SYAP1: variants seen among roughly 807,000 people sequenced by gnomAD.
SYAP1 encodes the protein synapse associated protein 1.
SYAP1 carries 3 observed loss-of-function variants against 29.6 expected under a neutral mutation model. That is an observed-to-expected ratio of 0.10 (90% confidence interval 0.05 to 0.26). The LOEUF (loss-of-function observed/expected upper bound fraction) is 0.26, where lower values mean the gene tolerates loss of function less well. Among genes scored for constraint, SYAP1 ranks in the 10% least tolerant of loss-of-function variants. The probability of loss-of-function intolerance (pLI) is 1.00; values close to 1 mark genes in which losing one functional copy is unlikely to be tolerated. For synonymous variants in SYAP1, 102 were observed against 102.7 expected (o/e 0.99, Z 0.04); for missense variants, 217 against 264.1 (o/e 0.82, Z 1.24).
At position 16,727,398 on chromosome X, in the gene SYAP1, C is replaced by CA. The variant is rs774589793; in HGVS notation, c.175+7501dup. ...TGCTCTTGTTGCCCAGGCTGGAGTG[C>CA]AATGGCATGATCTCGGCTCACTGCA... On this transcript the variant is annotated intron_variant, in intron 1 of 8. Coordinates refer to ENST00000380155, the MANE Select transcript of SYAP1 (RefSeq NM_032796.4). Among the ~76,000 whole-genome samples the CA allele has an allele frequency of 1.6e-4, 16 of 99,007 alleles. No individual in the cohort carries two copies. The Admixed American group carries it at 1.7e-3, about 11-fold the overall frequency. 86.0% of individuals were successfully genotyped at this position (99,007 alleles called of 115,157 possible).
At chrX:16,745,438 A>G (rs779725319) in intron 5 of SYAP1, among the ~76,000 whole-genome samples, 44 of 112,026 alleles carry the variant, frequency 3.9e-4, no homozygotes, top group African/African-American at 1.4e-3. Flanking sequence ...TGGTCAACGA[A>G]GTAGACTACT....
At position 16,727,085 on chromosome X, in the gene SYAP1, G is replaced by C. The variant is rs146357702; in HGVS notation, c.175+7186G>C. ...TAAAAACTGAAAAACATCAGGCATA[G>C]AATTTAACAACAGGTATACTATAGT... is the stretch of plus-strand genomic sequence containing the variant. On this transcript the variant is annotated intron_variant, in intron 1 of 8. Coordinates refer to ENST00000380155, the MANE Select transcript of SYAP1 (RefSeq NM_032796.4). Among the ~76,000 whole-genome samples, 719 of 110,809 alleles carry C rather than the reference G, an allele frequency of 6.5e-3. 6 individuals carry two copies. The highest frequency in any genetic ancestry group is 0.022 in the African/African-American group (678 of 30,605).
chrX:16,719,848 C>G lies in SYAP1; in HGVS notation c.124C>G (p.Leu42Val), dbSNP rs763597796. The G allele has an allele frequency of 5.4e-5, 64 of 1,194,268 alleles. No homozygotes were observed. Among genetic ancestry groups the G allele is most frequent in the Non-Finnish European group, 7.2e-5 (64 of 887,635 alleles). Residue 42 changes from leucine to valine, a missense_variant, in exon 1 of 9, where the codon CTG becomes GTG. Transcript: ENST00000380155. ...ETVAESAEEELQQAGDQELLH... is the reference protein window; with the variant it reads ...ETVAESAEEEVQQAGDQELLH... ...GGTGGCTGAGTCTGCGGAGGAGGAG[C>G]TGCAGCAAGCGGGAGACCAGGAGCT...
chrX:16,719,859 G>A lies in SYAP1; in HGVS notation c.135G>A (p.Ala45=), dbSNP rs1305330478. The A allele has an allele frequency of 8.4e-7, 1 of 1,195,028 alleles. No homozygotes were observed. Among genetic ancestry groups the A allele is most frequent in the Non-Finnish European group, 1.1e-6 (1 of 887,427 alleles). ...CTGCGGAGGAGGAGCTGCAGCAAGC[G>A]GGAGACCAGGAGCTCCTCCACCAGG... ...AESAEEELQQ[A]GDQELLHQAK... The change falls in exon 1 of 9, where the codon GCG becomes GCA. Residue 45 remains alanine, a synonymous_variant. Coordinates refer to ENST00000380155, the MANE Select transcript of SYAP1 (RefSeq NM_032796.4).
chrX:16,723,962 T>C (rs1273601743), intron 1 of SYAP1, among the ~76,000 whole-genome samples: 1 of 112,096 alleles, frequency 8.9e-6, no homozygotes, highest in Non-Finnish European at 1.9e-5. Context: ...TATTGTTATA[T>C]CATTTGCAAA....
chrX:16,744,422 G>A (rs949559276), intron 5 of SYAP1, among the ~76,000 whole-genome samples: 35 of 112,741 alleles, frequency 3.1e-4, no homozygotes, highest in African/African-American at 1.1e-3. Flanking sequence ...TGAAGCTGTC[G>A]CATGTTTGGA....
rs1925905417 is a variant in SYAP1 at position 16,719,664 on chromosome X, G to A, written c.-61G>A. On this transcript the variant is annotated 5_prime_UTR_variant, in exon 1 of 9. Transcript: ENST00000380155. ...GGGAGTCGCGCAGAGTGGAGTCAAAGGCAACCAGTGCTCGCTGCGGTCTCT... is the reference window on the plus strand; with the variant it reads ...GGGAGTCGCGCAGAGTGGAGTCAAAAGCAACCAGTGCTCGCTGCGGTCTCT... 2.4e-5 allele frequency: 28 copies of A among 1,154,909 alleles called. No homozygotes were observed. The highest frequency in any genetic ancestry group is 3.2e-5 in the Non-Finnish European group (28 of 866,100).
Position 16,736,152 on chromosome X carries a change from A to T in SYAP1, c.295-14A>T. The T allele has an allele frequency of 9.2e-7, 1 of 1,082,331 alleles. No homozygotes were observed. 89.2% of individuals were successfully genotyped at this position (1,082,331 alleles called of 1,213,427 possible). ...ACATTGCTATTTAATTTGACTATGT[A>T]TTTTTTTTAACAGACAATTATAGGA... On this transcript the variant is annotated splice_polypyrimidine_tract_variant and intron_variant, in intron 2 of 8. Coordinates refer to ENST00000380155, the MANE Select transcript of SYAP1 (RefSeq NM_032796.4).
At chrX:16,749,584 T>C (rs1211619320) in intron 5 of SYAP1, among the ~76,000 whole-genome samples, 1 of 111,397 alleles carries the variant, frequency 9.0e-6, no homozygotes, top group African/African-American at 3.3e-5. Context: ...CTAGAATACC[T>C]AAGTCTCATT....
In SYAP1 at chrX:16,763,870, C is replaced by CTTTTT. The variant is rs11331396; in HGVS notation, c.*3528_*3532dup. 3 of 63,584 alleles carry CTTTTT rather than the reference C, an allele frequency of 4.7e-5. No homozygotes were observed. The highest frequency in any genetic ancestry group is 8.0e-5 in the Non-Finnish European group (3 of 37,271). 5.2% of individuals were successfully genotyped at this position (63,584 alleles called of 1,213,427 possible). Reference sequence around the variant, plus strand: ...AGTATTTTATTTGCCTCTTTGACGGCTTTTTTTTTTTTTTTTTTTTTGAGA... The same window carrying CTTTTT: ...AGTATTTTATTTGCCTCTTTGACGGCTTTTTTTTTTTTTTTTTTTTTTTTTTGAGA... On this transcript the variant is annotated 3_prime_UTR_variant, in exon 9 of 9. Coordinates refer to ENST00000380155, the MANE Select transcript of SYAP1 (RefSeq NM_032796.4).
chrX:16,725,657 A>G (rs560024531), intron 1 of SYAP1, among the ~76,000 whole-genome samples: 4 of 111,594 alleles, frequency 3.6e-5, no homozygotes, highest in African/African-American at 1.3e-4. Context: ...TTCTCCCTCC[A>G]TGCTGCCACA....
At chrX:16,734,686 A>G (rs1346807333) in intron 1 of SYAP1, among the ~76,000 whole-genome samples, 1 of 110,235 alleles carries the variant, frequency 9.1e-6, no homozygotes, top group East Asian at 2.9e-4. Context: ...GGAAGAGTAT[A>G]CTAAGGGTCT....
At position 16,743,810 on chromosome X, in the gene SYAP1, G is replaced by T. The variant is rs772480918; in HGVS notation, c.545G>T (p.Ser182Ile). The T allele has an allele frequency of 8.3e-7, 1 of 1,208,626 alleles. No homozygotes were observed. The highest frequency in any genetic ancestry group is 1.1e-6 in the Non-Finnish European group (1 of 894,824). The change falls in exon 5 of 9, where the codon AGC becomes ATC. Residue 182 changes from serine (S) to isoleucine (I), a missense_variant. Physicochemically the swap from Ser to Ile is moderately radical, Grantham distance 142. Coordinates refer to ENST00000380155, the MANE Select transcript of SYAP1 (RefSeq NM_032796.4). ...LVMLQEDELL[S>I]KMRFALVPKL... ...ATGCTCCAGGAGGATGAGCTGCTAA[G>T]CAAGATGAGATTTGCCCTCGTTCCT...
At chrX:16,720,189 C>T (rs1397022153) in intron 1 of SYAP1, among the ~76,000 whole-genome samples, 1 of 112,289 alleles carries the variant, frequency 8.9e-6, no homozygotes, top group African/African-American at 3.2e-5. Flanking sequence ...TGTGACCCGA[C>T]GTCTTCAGGT....
chrX:16,755,508 C>G (rs144643510), intron 6 of SYAP1, among the ~76,000 whole-genome samples: 1 of 109,488 alleles, frequency 9.1e-6, no homozygotes, highest in Non-Finnish European at 1.9e-5. Context: ...TCTTCCCCCC[C>G]TCTCATTTTT....
At chrX:16,757,908 A>AAATAATAATAATAATAATAATAATAAT (rs749499003) in intron 8 of SYAP1, among the ~76,000 whole-genome samples, 14 of 108,424 alleles carry the variant, frequency 1.3e-4, no homozygotes, top group African/African-American at 4.4e-4. Context: ...CTTCATCTCA[A>AAATAATAATAATAATAATAATAATAAT]AATAATAATA....
chrX:16,731,173 T>G (rs1210576460), intron 1 of SYAP1, among the ~76,000 whole-genome samples: 1 of 112,186 alleles, frequency 8.9e-6, no homozygotes, highest in East Asian at 2.7e-4. Flanking sequence ...GGACACAATG[T>G]TTAGAAAGAA....
chrX:16,725,319 A>G (rs1347527128), intron 1 of SYAP1, among the ~76,000 whole-genome samples: 1 of 110,661 alleles, frequency 9.0e-6, no homozygotes, highest in Non-Finnish European at 1.9e-5. Flanking sequence ...GTTAACTCCT[A>G]TCTTAGTTTC....
intron 5 of SYAP1, among the ~76,000 whole-genome samples, chrX:16,750,619 A>G (rs1456681872): frequency 2.7e-5 from 3 of 110,364 alleles, no homozygotes; most frequent in African/African-American, 9.9e-5. Flanking sequence ...GTAATCGTGC[A>G]TTTTGCCTCT....
Sources: allele counts gnomAD v4.1 joint callset (sites outside exome capture counted in the v4.1 genomes callset), GRCh38; gene constraint gnomAD v4.1.1; transcripts MANE v1.5; gene names NCBI Gene and HGNC (gene_info 2026-07-23, HGNC 2026-07-21).